HS3ST4: variants seen among roughly 807,000 people sequenced by gnomAD.
HS3ST4 encodes the protein heparan sulfate glucosamine 3-O-sulfotransferase 4.
In HS3ST4, 17 loss-of-function variants were observed where a neutral mutation model predicts 29.2. The ratio of observed to expected loss-of-function variants is 0.58; its 90% CI spans 0.40 to 0.87. The LOEUF is 0.87. Ranked by LOEUF, HS3ST4 falls within the 40% of genes least tolerant of loss-of-function variation. HS3ST4 has a pLI of 0.00. For missense variants in HS3ST4, 627 were observed against 634.5 expected (o/e 0.99, Z 0.13); for synonymous variants, 314 against 285.7 (o/e 1.10, Z -1.00).
At chr16:25,836,245 A>G (rs943512493) in intron 1 of HS3ST4, among the ~76,000 whole-genome samples, 3 of 152,258 alleles carry the variant, frequency 2.0e-5, no homozygotes, top group Non-Finnish European at 2.9e-5. Context: ...ACCCCTACCC[A>G]TGCATAGGGG....
intron 1 of HS3ST4, among the ~76,000 whole-genome samples, chr16:26,119,043 T>A (rs1462715921): frequency 1.3e-5 from 2 of 152,200 alleles, no homozygotes; most frequent in East Asian, 3.8e-4. Context: ...AATGAAACAT[T>A]ATTCTTATCG....
chr16:26,007,005 T>A (rs1202344499), intron 1 of HS3ST4, among the ~76,000 whole-genome samples: 1 of 152,216 alleles, frequency 6.6e-6, no homozygotes, highest in Non-Finnish European at 1.5e-5. Context: ...TTAGATCAGA[T>A]CTCTTTCACT....
intron 1 of HS3ST4, among the ~76,000 whole-genome samples, chr16:26,066,975 G>A (rs117562749): frequency 6.6e-6 from 1 of 152,296 alleles, no homozygotes; most frequent in Non-Finnish European, 1.5e-5. Flanking sequence ...GAACAGGACT[G>A]CAGATACAGA....
At chr16:26,120,882 G>A (rs929032463) in intron 1 of HS3ST4, among the ~76,000 whole-genome samples, 16 of 152,168 alleles carry the variant, frequency 1.1e-4, no homozygotes, top group African/African-American at 3.6e-4. Flanking sequence ...ATTGGCACAG[G>A]TCCTAAGATT....
rs867508656 is a variant in HS3ST4, at chr16:26,062,466, G to A, written c.735-73146G>A. Among the ~76,000 whole-genome samples the A allele has an allele frequency of 1.3e-5, 2 of 152,286 alleles. 1 individual carries two copies. The highest frequency in any genetic ancestry group is 4.2e-4 in the South Asian group (2 of 4,816). ...ATATTGGGTGCTGTCAATCAAATGAGGACCGACTTTGCCTTATTCATCCAT... is the reference window on the plus strand; with the variant it reads ...ATATTGGGTGCTGTCAATCAAATGAAGACCGACTTTGCCTTATTCATCCAT... On this transcript the variant is annotated intron_variant, in intron 1 of 1. Coordinates refer to ENST00000331351, the MANE Select transcript of HS3ST4 (RefSeq NM_006040.3).
At chr16:25,880,491 A>G (rs918954936) in intron 1 of HS3ST4, among the ~76,000 whole-genome samples, 5 of 152,194 alleles carry the variant, frequency 3.3e-5, no homozygotes, top group African/African-American at 1.2e-4. Context: ...TGGAGTCCCA[A>G]ATGGGAGTAA....
chr16:25,949,454 A>G (rs887467443), intron 1 of HS3ST4, among the ~76,000 whole-genome samples: 6 of 152,136 alleles, frequency 3.9e-5, no homozygotes, highest in African/African-American at 9.7e-5. Context: ...GAACAAGTGA[A>G]TGTTCTTTTC....
chr16:26,018,203 G>C (rs58209254), intron 1 of HS3ST4, among the ~76,000 whole-genome samples: 1 of 152,154 alleles, frequency 6.6e-6, no homozygotes, highest in Admixed American at 6.5e-5. Context: ...ATCCAGCATA[G>C]TGGGGCTGCA....
chr16:25,912,629 C>A (rs1968252420), intron 1 of HS3ST4, among the ~76,000 whole-genome samples: 1 of 152,180 alleles, frequency 6.6e-6, no homozygotes, highest in African/African-American at 2.4e-5. Flanking sequence ...ATCCTCACTG[C>A]CAATTTCTGT....
chr16:26,051,907 TCCC>T (rs1567302207), intron 1 of HS3ST4, among the ~76,000 whole-genome samples: 103 of 56,704 alleles, frequency 1.8e-3, no homozygotes, highest in African/African-American at 6.5e-3. Flanking sequence ...CCTCCCTCCC[TCCC>T]TCCCTTCCTT....
chr16:25,838,507 A>C (rs1335082543), intron 1 of HS3ST4, among the ~76,000 whole-genome samples: 1 of 152,188 alleles, frequency 6.6e-6, no homozygotes, highest in Admixed American at 6.5e-5. Context: ...TTTGCAGTTC[A>C]TTCTTCCATC....
chr16:25,913,099 G>A (rs542163802), intron 1 of HS3ST4, among the ~76,000 whole-genome samples: 2 of 152,202 alleles, frequency 1.3e-5, no homozygotes, highest in African/African-American at 4.8e-5. Context: ...TTTGGTGAGC[G>A]AATGGAGCCT....
At chr16:26,050,481 A>G (rs1898328774) in intron 1 of HS3ST4, among the ~76,000 whole-genome samples, 1 of 152,186 alleles carries the variant, frequency 6.6e-6, no homozygotes, top group African/African-American at 2.4e-5. Context: ...AATGGCATGA[A>G]TTCATGTTTC....
intron 1 of HS3ST4, among the ~76,000 whole-genome samples, chr16:26,091,716 A>T (rs920253722): frequency 2.6e-5 from 4 of 152,212 alleles, no homozygotes; most frequent in African/African-American, 9.7e-5. Flanking sequence ...AATGTCATGC[A>T]TACTTAGGGA....
At chr16:26,058,911 T>C (rs1898443211) in intron 1 of HS3ST4, among the ~76,000 whole-genome samples, 1 of 152,146 alleles carries the variant, frequency 6.6e-6, no homozygotes, top group Non-Finnish European at 1.5e-5. Flanking sequence ...CAAGGAAGGA[T>C]GATTTTTCTG....
intron 1 of HS3ST4, among the ~76,000 whole-genome samples, chr16:26,111,392 T>C (rs1454917027): frequency 2.7e-4 from 2 of 7,504 alleles, no homozygotes; most frequent in Non-Finnish European, 9.7e-4. Context: ...GAAGGAGGTC[T>C]TTTTTTTTTT....
chr16:25,774,113 C>A (rs565851025), intron 1 of HS3ST4, among the ~76,000 whole-genome samples: 2 of 152,270 alleles, frequency 1.3e-5, no homozygotes, highest in South Asian at 2.1e-4. Context: ...CCTGCCCATG[C>A]AGGTAAATAA....
intron 1 of HS3ST4, among the ~76,000 whole-genome samples, chr16:25,927,683 C>T (rs1012065157): frequency 6.6e-6 from 1 of 151,028 alleles, no homozygotes; most frequent in Non-Finnish European, 1.5e-5. Flanking sequence ...AGCCCCAGCT[C>T]GCTGTTTTTC....
At chr16:26,005,727 T>C (rs1361718083) in intron 1 of HS3ST4, among the ~76,000 whole-genome samples, 3 of 149,282 alleles carry the variant, frequency 2.0e-5, no homozygotes, top group Admixed American at 6.7e-5. Context: ...AAGATTTTAC[T>C]GTGTGAAAAA....
Sources: gnomAD v4.1 joint callset for allele counts (sites outside exome capture counted in the v4.1 genomes callset) on GRCh38, gnomAD v4.1.1 for gene constraint, MANE v1.5 for transcripts, NCBI Gene and HGNC (gene_info 2026-07-23, HGNC 2026-07-21) for gene names.